Variants in HDAC4 observed in about 807,000 individuals in gnomAD.
HDAC4 encodes the protein histone deacetylase A.
Under a neutral mutation model 135.1 loss-of-function variants are expected in HDAC4, and 16 were observed. The observed-to-expected ratio is 0.12, with a 90% CI of 0.08 to 0.18. HDAC4 has a LOEUF of 0.18. Among genes scored for constraint, HDAC4 ranks in the 10% least tolerant of loss-of-function variants. The pLI, the probability that HDAC4 is intolerant of heterozygous loss-of-function variation, is 1.00. For synonymous variants in HDAC4, 685 were observed against 653.4 expected, an observed-to-expected ratio of 1.05 and a Z score of -0.74; for missense variants, 1,143 against 1,511.8, an observed-to-expected ratio of 0.76 and a Z score of 4.05.
At chr2:239,275,135 G>A (rs1227078830) in intron 2 of HDAC4, among the ~76,000 whole-genome samples, 2 of 151,384 alleles carry the variant, frequency 1.3e-5, no homozygotes, top group East Asian at 3.9e-4. Context: ...TGGCTGACGG[G>A]GATCGGGGGA....
At chr2:239,211,015 G>A (rs2046332059) in intron 3 of HDAC4, among the ~76,000 whole-genome samples, 1 of 152,158 alleles carries the variant, frequency 6.6e-6, no homozygotes, top group African/African-American at 2.4e-5. Context: ...GAAGGTGGAT[G>A]CTGGCCTGTC....
At chr2:239,080,830 T>A (rs1190770748) in intron 22 of HDAC4, 2 of 546,440 alleles carry the variant, frequency 3.7e-6, no homozygotes, top group Non-Finnish European at 6.5e-6. Context: ...TCTGTCTCCA[T>A]CACTCTCTCA....
intron 22 of HDAC4, among the ~76,000 whole-genome samples, chr2:239,076,306 C>A (rs2034756494): frequency 6.6e-6 from 1 of 152,204 alleles, no homozygotes; most frequent in Non-Finnish European, 1.5e-5. Context: ...GGCCATCGCT[C>A]GTGCAGCCTC....
intron 2 of HDAC4, among the ~76,000 whole-genome samples, chr2:239,251,540 G>A (rs181518698): frequency 2.1e-4 from 32 of 152,242 alleles, no homozygotes; most frequent in Middle Eastern, 3.4e-3. Context: ...CTGCACTACA[G>A]CCTGGGTGAC....
rs574745503 is a variant in HDAC4 at position 239,238,592 on chromosome 2, C to T, written c.23-1928G>A. On this transcript the variant is annotated intron_variant, in intron 2 of 26. Coordinates refer to ENST00000543185, the MANE Select transcript of HDAC4 (RefSeq NM_001378414.1). The stretch of plus-strand genomic sequence containing the variant: ...GAAAGTTTGGAAACCAAGAAGCCCC[C>T]AGTGGTGAGCAGCAGCGGTGGGGCC... Among the ~76,000 whole-genome samples, 9 of 152,326 alleles carry T rather than the reference C, an allele frequency of 5.9e-5. No homozygotes were observed. In the South Asian group the frequency reaches 1.7e-3, roughly 28 times the overall value.
intron 1 of HDAC4, among the ~76,000 whole-genome samples, chr2:239,357,415 TA>T (rs1307389904): frequency 1.3e-5 from 2 of 149,522 alleles, no homozygotes; most frequent in Non-Finnish European, 3.0e-5. Flanking sequence ...GGTTTCACCT[TA>T]AAAAATTAGA....
chr2:239,319,086 C>A (rs540334864), intron 2 of HDAC4, among the ~76,000 whole-genome samples: 1 of 152,004 alleles, frequency 6.6e-6, no homozygotes, highest in African/African-American at 2.4e-5. Flanking sequence ...AACTCTCAGA[C>A]GAACAAAAAA....
chr2:239,302,508 C>G (rs934481669), intron 2 of HDAC4, among the ~76,000 whole-genome samples: 3 of 152,248 alleles, frequency 2.0e-5, no homozygotes, highest in Non-Finnish European at 2.9e-5. Flanking sequence ...GGGGACGGAA[C>G]AGCTTCCCCC....
chr2:239,330,495 C>T (rs1223879340), intron 2 of HDAC4, among the ~76,000 whole-genome samples: 1 of 152,250 alleles, frequency 6.6e-6, no homozygotes, highest in Non-Finnish European at 1.5e-5. Context: ...CGAACACTGG[C>T]CTGGACTTCC....
intron 2 of HDAC4, among the ~76,000 whole-genome samples, chr2:239,283,070 A>T (rs1395058491): frequency 6.6e-6 from 1 of 152,168 alleles, no homozygotes; most frequent in Non-Finnish European, 1.5e-5. Context: ...CAAACAAAAC[A>T]TGTGATGTTC....
At chr2:239,377,434 C>A (rs1253415893) in intron 1 of HDAC4, among the ~76,000 whole-genome samples, 1 of 152,198 alleles carries the variant, frequency 6.6e-6, no homozygotes, top group East Asian at 1.9e-4. Flanking sequence ...CGAGGGCTGC[C>A]CCGACGCCTG....
In HDAC4 at chr2:239,055,614, G is replaced by A. The variant is rs184109409; in HGVS notation, c.3004-781C>T. The stretch of plus-strand genomic sequence containing the variant: ...CACCTGTAGTCCCAGCTACTCGGGA[G>A]GCTGAGGCATGAGAATCACTTGAAT... On this transcript the variant is annotated intron_variant, in intron 24 of 26. Transcript: ENST00000543185. 9.4e-3 allele frequency among the ~76,000 whole-genome samples: 1,426 copies of A among 152,180 alleles called. 14 individuals carry two copies. Among genetic ancestry groups the A allele is most frequent in the Middle Eastern group, 0.017 (5 of 294 alleles).
intron 15 of HDAC4, among the ~76,000 whole-genome samples, 173 bp downstream of exon 15, chr2:239,107,877 C>T (rs1277288769): frequency 6.6e-6 from 1 of 152,244 alleles, no homozygotes; most frequent in Non-Finnish European, 1.5e-5. Flanking sequence ...GGCTTCTCAG[C>T]AGATAGCTGC....
rs1026586819 is a variant in HDAC4 at position 239,101,501 on chromosome 2, C to A, written c.2233+1275G>T. On this transcript the variant is annotated intron_variant, in intron 16 of 26. Transcript: ENST00000543185. ...TGCCCTGCCAAATGCAGTCAACGAG[C>A]CAGGCACGGCCCACCCTCTCCTTGC... Among the ~76,000 whole-genome samples the A allele has an allele frequency of 5.3e-5, 8 of 152,186 alleles. No homozygotes were observed. In the East Asian group the frequency reaches 1.5e-3, roughly 29 times the overall value.
intron 3 of HDAC4, among the ~76,000 whole-genome samples, chr2:239,226,494 A>G (rs2047247416): frequency 6.6e-6 from 1 of 152,080 alleles, no homozygotes; most frequent in Non-Finnish European, 1.5e-5. Flanking sequence ...GGATGTGTGG[A>G]CGGTTTTAGA....
intron 11 of HDAC4, among the ~76,000 whole-genome samples, chr2:239,133,964 C>G (rs1355403928): frequency 6.6e-6 from 1 of 152,198 alleles, no homozygotes; most frequent in African/African-American, 2.4e-5. Flanking sequence ...CAGCTTGGTC[C>G]AGACAGAAAC....
rs115976944 is a variant in HDAC4, at chr2:239,182,013, G to A, written c.340-5450C>T. Among the ~76,000 whole-genome samples, 475 of 152,228 alleles carry A rather than the reference G, an allele frequency of 3.1e-3. 3 individuals carry two copies. Among genetic ancestry groups the A allele is most frequent in the African/African-American group, 0.011 (455 of 41,536 alleles). ...CCTTCCTAACGCGGTGTTCCTTGCC[G>A]CCACATGCAAGCAAAGTCCCTCTAC... On this transcript the variant is annotated intron_variant, in intron 4 of 26. Coordinates refer to ENST00000543185, the MANE Select transcript of HDAC4 (RefSeq NM_001378414.1).
chr2:239,055,044 A>G (rs2031590696), intron 24 of HDAC4: 9 of 490,512 alleles, frequency 1.8e-5, no homozygotes, highest in South Asian at 1.4e-4. Flanking sequence ...AGGACGCTAT[A>G]AGATATTTGT....
At chr2:239,193,924 C>A (rs13419802) in intron 3 of HDAC4, among the ~76,000 whole-genome samples, 2 of 152,100 alleles carry the variant, frequency 1.3e-5, no homozygotes, top group Non-Finnish European at 2.9e-5. Flanking sequence ...CAAATGCCAC[C>A]GAAGCTATTT....
Sources: gnomAD v4.1 joint callset for allele counts (sites outside exome capture counted in the v4.1 genomes callset) on GRCh38, gnomAD v4.1.1 for gene constraint, MANE v1.5 for transcripts, NCBI Gene and HGNC (gene_info 2026-07-23, HGNC 2026-07-21) for gene names.